The following KCTD15 variants were observed in gnomAD, a reference collection of about 807,000 sequenced individuals.
KCTD15 encodes potassium channel tetramerization domain containing 15.
Under a neutral mutation model 27.2 loss-of-function variants are expected in KCTD15, and 11 were observed. The observed-to-expected ratio is 0.41, with a 90% CI of 0.25 to 0.67. The LOEUF (loss-of-function observed/expected upper bound fraction) is 0.67. KCTD15 is among the 30% of genes least tolerant of loss of function. The probability of loss-of-function intolerance (pLI) is 0.35; values close to 1 mark genes in which losing one functional copy is unlikely to be tolerated. For missense variants in KCTD15, 350 were observed against 409.3 expected, an observed-to-expected ratio of 0.86 and a Z score of 1.25; for synonymous variants, 163 against 176.0, an observed-to-expected ratio of 0.93 and a Z score of 0.58.
intron 5 of KCTD15, among the ~76,000 whole-genome samples, chr19:33,807,244 G>A (rs540325146): frequency 9.8e-5 from 15 of 152,374 alleles, no homozygotes; most frequent in African/African-American, 2.2e-4. Flanking sequence ...AACATTTGTC[G>A]TGTTTAAGGA....
At position 33,812,209 on chromosome 19, in the gene KCTD15, C is replaced by G. The variant is rs112103023; in HGVS notation, c.694-581C>G. The G allele has an allele frequency of 6.4e-4, 694 of 1,084,136 alleles. 7 individuals are homozygous for G. In the African/African-American group the frequency reaches 0.01, roughly 16 times the overall value. 67.2% of individuals were successfully genotyped at this position (1,084,136 alleles called of 1,614,324 possible). On this transcript the variant is annotated intron_variant, in intron 6 of 6. Coordinates refer to ENST00000683859, the MANE Select transcript of KCTD15 (RefSeq NM_001129994.2). Reference sequence around the variant, plus strand: ...CGGGTGTTACACGCAGTCATCAGACCTCACCCTCACAGAGGCACAAACCCA... The same window carrying G: ...CGGGTGTTACACGCAGTCATCAGACGTCACCCTCACAGAGGCACAAACCCA...
intron 1 of KCTD15, chr19:33,798,367 C>G (rs747982901): frequency 6.6e-6 from 1 of 152,252 alleles, no homozygotes; most frequent in Admixed American, 6.5e-5. Context: ...CAACTGCGAG[C>G]GCAATGGGAC....
chr19:33,809,543 G>A (rs1296467314), intron 5 of KCTD15, among the ~76,000 whole-genome samples: 1 of 152,020 alleles, frequency 6.6e-6, no homozygotes, highest in Non-Finnish European at 1.5e-5. Flanking sequence ...CATGACAAAA[G>A]ATGGGGTTGT....
At chr19:33,803,677 C>T (rs1363032341) in intron 4 of KCTD15, among the ~76,000 whole-genome samples, 4 of 151,982 alleles carry the variant, frequency 2.6e-5, no homozygotes, top group Admixed American at 6.6e-5. Flanking sequence ...TTCCCTGGGC[C>T]GGCCCCCTTG....
intron 4 of KCTD15, among the ~76,000 whole-genome samples, chr19:33,804,954 C>T (rs566633408): frequency 2.0e-4 from 31 of 152,300 alleles, no homozygotes; most frequent in East Asian, 7.7e-4. Context: ...TAAGCGACAG[C>T]GTTTGTCTTT....
upstream of KCTD15, among the ~76,000 whole-genome samples, chr19:33,795,025 T>A (rs1975273653): frequency 6.6e-6 from 1 of 152,170 alleles, no homozygotes; most frequent in African/African-American, 2.4e-5. Flanking sequence ...CCTGCACAGA[T>A]CCCTGACCTA....
intron 1 of KCTD15, chr19:33,797,370 G>T: frequency 2.2e-6 from 1 of 454,540 alleles, no homozygotes. Flanking sequence ...GCGAGTTTCC[G>T]GGGTCAGAAA....
chr19:33,812,583 G>A (rs1159910488), intron 6 of KCTD15: 8 of 1,280,542 alleles, frequency 6.2e-6, no homozygotes, highest in Non-Finnish European at 7.9e-6. Context: ...TAACCTGAGG[G>A]GTCACTGGGC....
upstream of KCTD15, among the ~76,000 whole-genome samples, chr19:33,795,326 T>G (rs972319144): frequency 1.6e-4 from 25 of 152,224 alleles, no homozygotes; most frequent in African/African-American, 5.5e-4. Context: ...GTCTGGACGC[T>G]CTCTCCACGC....
upstream of KCTD15, chr19:33,795,880 C>T (rs1045278211): frequency 8.5e-5 from 13 of 152,066 alleles, no homozygotes; most frequent in African/African-American, 2.9e-4. Flanking sequence ...CAGCGCGTCC[C>T]TCCCCCGCGG....
chr19:33,794,829 T>C (rs1975267942), upstream of KCTD15, among the ~76,000 whole-genome samples: 1 of 152,276 alleles, frequency 6.6e-6, no homozygotes, highest in South Asian at 2.1e-4. Flanking sequence ...GCTGTTCCTA[T>C]GTCGTGCTTG....
At chr19:33,799,825 C>T (rs1411022127) in intron 2 of KCTD15, 1 of 152,758 alleles carries the variant, frequency 6.5e-6, no homozygotes, top group Non-Finnish European at 1.5e-5. Context: ...GACAGGTTTT[C>T]TCTGCTATTG....
intron 5 of KCTD15, 59 bp downstream of exon 5, chr19:33,807,066 C>T (rs952075628): frequency 2.1e-5 from 33 of 1,540,964 alleles, no homozygotes; most frequent in Admixed American, 1.8e-4. Context: ...ACACAGGGGA[C>T]GCTGTGACTT....
rs998929930 is a variant in KCTD15, at chr19:33,813,632, C to T, written c.*684C>T. 2.8e-5 allele frequency: 9 copies of T among 325,012 alleles called. No individual in the cohort carries two copies. The highest frequency in any genetic ancestry group is 2.0e-4 in the African/African-American group (9 of 44,974). 20.1% of individuals were successfully genotyped at this position (325,012 alleles called of 1,614,324 possible). On this transcript the variant is annotated 3_prime_UTR_variant, in exon 7 of 7. Coordinates refer to ENST00000683859, the MANE Select transcript of KCTD15 (RefSeq NM_001129994.2). ...CACCTGAGACCTTCACGTTTGCTGC[C>T]GTTGGGGGCTCAGGCTGCACTCCCC...
At chr19:33,797,519 G>C in intron 1 of KCTD15, 1 of 380,256 alleles carries the variant, frequency 2.6e-6, no homozygotes, top group South Asian at 1.8e-5. Context: ...GGGCTGTCGC[G>C]CTGGTGGTGG....
intron 4 of KCTD15, among the ~76,000 whole-genome samples, chr19:33,805,364 G>A (rs1423190328): frequency 1.3e-5 from 2 of 152,222 alleles, no homozygotes; most frequent in Non-Finnish European, 2.9e-5. Context: ...GGGAGGCCCT[G>A]AGGGCAGACT....
Position 33,815,464 on chromosome 19 carries a change from C to T in KCTD15, c.*2516C>T, listed in dbSNP as rs973003760. 6.6e-6 allele frequency: 1 copy of T among 152,106 alleles called. No homozygotes were observed. The highest frequency in any genetic ancestry group is 6.6e-5 in the Admixed American group (1 of 15,264). The allele number at this position is 152,106 out of a possible 1,614,324, so 9.4% of individuals were successfully genotyped here. On this transcript the variant is annotated 3_prime_UTR_variant, in exon 7 of 7. Coordinates refer to ENST00000683859, the MANE Select transcript of KCTD15 (RefSeq NM_001129994.2). The stretch of plus-strand genomic sequence containing the variant: ...ATTATCAGCAATCTTTTGTCAAATG[C>T]CAGCCGTATAAATGTTACTTCTGCT...
At chr19:33,812,462 T>TTACACCC in intron 6 of KCTD15, 1 of 1,129,774 alleles carries the variant, frequency 8.9e-7, no homozygotes, top group East Asian at 5.0e-5. Flanking sequence ...AGGGCATAGG[T>TTACACCC]TACACCCTAC....
At chr19:33,812,652 G>T in intron 6 of KCTD15, 138 bp from the exon 7 acceptor site, 4 of 1,360,716 alleles carry the variant, frequency 2.9e-6, no homozygotes, top group Non-Finnish European at 3.8e-6. Flanking sequence ...AGGGACCTTT[G>T]TCAGTGAGCA....
Sources: allele counts gnomAD v4.1 joint callset (sites outside exome capture counted in the v4.1 genomes callset), GRCh38; gene constraint gnomAD v4.1.1; transcripts MANE v1.5; gene names NCBI Gene and HGNC (gene_info 2026-07-23, HGNC 2026-07-21).